The following TTC19 variants were observed in gnomAD, a reference collection of about 807,000 sequenced individuals.
TTC19 encodes the protein tetratricopeptide repeat protein 19, mitochondrial.
TTC19 carries 38 observed loss-of-function variants against 49.5 expected under a neutral mutation model. The ratio of observed to expected loss-of-function variants is 0.77; its 90% CI spans 0.59 to 1.01. The LOEUF is 1.01. TTC19 is among the 50% of genes least tolerant of loss of function. TTC19 has a pLI of 0.00. For synonymous variants in TTC19, 204 were observed against 185.2 expected (o/e 1.10, Z -0.83); for missense variants, 475 against 477.7 (o/e 0.99, Z 0.05).
chr17:16,038,976 G>A (rs1379349880), intron 2 of TTC19, among the ~76,000 whole-genome samples: 1 of 152,118 alleles, frequency 6.6e-6, no homozygotes, highest in Admixed American at 6.5e-5. Context: ...TCACCATGTT[G>A]GCCAGGATGG....
downstream of TTC19, among the ~76,000 whole-genome samples, chr17:16,033,914 T>C (rs1287120596): frequency 6.6e-6 from 1 of 151,748 alleles, no homozygotes; most frequent in Non-Finnish European, 1.5e-5. Context: ...CAAGTGATTC[T>C]CCCACCTCTG....
chr17:16,010,167 ATTTT>A lies in TTC19; in HGVS notation c.676+3620_676+3623del, dbSNP rs1201745186. Among the ~76,000 whole-genome samples the A allele has an allele frequency of 6.8e-3, 736 of 108,126 alleles. 1 individual carries two copies. Among genetic ancestry groups the A allele is most frequent in the Middle Eastern group, 0.021 (3 of 142 alleles). 70.9% of individuals were successfully genotyped at this position (108,126 alleles called of 152,430 possible). ...TATTTTTTTTATTTTTTAATTTTTA[ATTTT>A]TTTTTTTTTTTTTTTTTTTTGAGAC... On this transcript the variant is annotated intron_variant, in intron 7 of 9. Transcript: ENST00000261647.
intron 7 of TTC19, among the ~76,000 whole-genome samples, chr17:16,023,062 G>A (rs1395406200): frequency 1.3e-5 from 2 of 152,046 alleles, no homozygotes; most frequent in South Asian, 2.1e-4. Context: ...CTCTTTGGGG[G>A]AACTTTATGA....
chr17:16,000,871 G>A (rs1970707132), intron 2 of TTC19, among the ~76,000 whole-genome samples: 1 of 152,020 alleles, frequency 6.6e-6, no homozygotes, highest in African/African-American at 2.4e-5. Flanking sequence ...ATACGCTTTC[G>A]CCATCTCTTT....
At chr17:16,032,495 A>C, downstream of TTC19, 3 of 1,560,916 alleles carry the variant, frequency 1.9e-6, no homozygotes, top group Non-Finnish European at 2.6e-6. Flanking sequence ...TGACAAAAGA[A>C]AAATTAGGTT....
intron 7 of TTC19, among the ~76,000 whole-genome samples, chr17:16,022,964 G>A (rs933554887): frequency 6.6e-6 from 1 of 152,032 alleles, no homozygotes; most frequent in South Asian, 2.1e-4. Context: ...TGTTATTAAA[G>A]TACTTGATTT....
At chr17:16,034,540 C>A (rs934745948) in intron 2 of TTC19, among the ~76,000 whole-genome samples, 1 of 151,904 alleles carries the variant, frequency 6.6e-6, no homozygotes, top group Non-Finnish European at 1.5e-5. Flanking sequence ...CCTCAGAGGT[C>A]GAGGCTGCAG....
rs76516448 is a variant in TTC19 at position 16,001,734 on chromosome 17, G to A, written c.313-181G>A. On this transcript the variant is annotated intron_variant, in intron 2 of 9. Transcript: ENST00000261647. ...GATGGCCACACCTAGCTGCAAGGGA[G>A]GCTGACCTCCCTGTCATCTCTGTAG... Among the ~76,000 whole-genome samples, 1,417 of 152,280 alleles carry A rather than the reference G, an allele frequency of 9.3e-3. 27 individuals are homozygous for A. The highest frequency in any genetic ancestry group is 0.032 in the African/African-American group (1,328 of 41,538).
intron 7 of TTC19, among the ~76,000 whole-genome samples, chr17:16,009,348 A>G (rs893439447): frequency 6.6e-6 from 1 of 152,244 alleles, no homozygotes; most frequent in Non-Finnish European, 1.5e-5. Context: ...CTAAGTAAAA[A>G]TCATCTGTAA....
chr17:16,001,862 C>A, intron 2 of TTC19, 53 bp from the exon 3 acceptor site: 1 of 1,208,018 alleles, frequency 8.3e-7, no homozygotes, highest in Non-Finnish European at 1.2e-6. Flanking sequence ...TGTCTCTTAG[C>A]ATATGCATCT....
chr17:16,041,422 T>TTTTTTTTTTTTTTG (rs71150270), intron 2 of TTC19: 1 of 147,928 alleles, frequency 6.8e-6, no homozygotes, highest in Admixed American at 6.7e-5. Flanking sequence ...TTTTTTTTTT[T>TTTTTTTTTTTTTTG]CCTTTGAGAT....
downstream of TTC19, chr17:16,030,848 G>C (rs939772830): frequency 5.4e-6 from 1 of 186,830 alleles, no homozygotes; most frequent in African/African-American, 2.3e-5. Flanking sequence ...TCACAGAGCT[G>C]CTTCCTTAAA....
At chr17:16,001,734 G>C (rs76516448) in intron 2 of TTC19, among the ~76,000 whole-genome samples, 181 bp from the exon 3 acceptor site, 1 of 152,164 alleles carries the variant, frequency 6.6e-6, no homozygotes, top group African/African-American at 2.4e-5. Context: ...CTGCAAGGGA[G>C]GCTGACCTCC....
Position 16,026,569 on chromosome 17 carries a change from T to TA in TTC19, c.862dup (p.Thr288AsnfsTer9). On this transcript the variant is annotated frameshift_variant, in exon 9 of 10. Coordinates refer to ENST00000261647, the MANE Select transcript of TTC19 (RefSeq NM_017775.4). LOFTEE classifies it high-confidence loss of function. The stretch of plus-strand genomic sequence containing the variant: ...TTGTGCTGATGAGTGACCTGGCTAC[T>TA]ACCCTGGATGCACAGGGCCGCTTTG... 1.9e-6 allele frequency: 3 copies of TA among 1,614,184 alleles called. No individual in the cohort carries two copies. Among genetic ancestry groups the TA allele is most frequent in the Non-Finnish European group, 2.5e-6 (3 of 1,180,002 alleles).
At chr17:16,026,911 C>A in intron 9 of TTC19, 1 of 631,690 alleles carries the variant, frequency 1.6e-6, no homozygotes, top group Non-Finnish European at 2.8e-6. Flanking sequence ...CTGCACTAGC[C>A]TGTCGAACCC....
chr17:16,005,722 G>T (rs759141150), intron 6 of TTC19, among the ~76,000 whole-genome samples: 1 of 152,178 alleles, frequency 6.6e-6, no homozygotes, highest in African/African-American at 2.4e-5. Context: ...GAGACTTATA[G>T]CTTGAAAGAA....
rs1393235257 is a variant in TTC19 at position 16,027,754 on chromosome 17, T to C, written c.*232T>C. ...CTTTCAGGATGTCGTCAAGTGATGC[T>C]TTCAGTTGTAACACGTGACTTGGTG... is the stretch of plus-strand genomic sequence containing the variant. On this transcript the variant is annotated 3_prime_UTR_variant, in exon 10 of 10. Transcript: ENST00000261647. 1 of 595,398 alleles carries C rather than the reference T, an allele frequency of 1.7e-6. No individual in the cohort carries two copies. The highest frequency in any genetic ancestry group is 3.1e-6 in the Non-Finnish European group (1 of 317,872). The allele number at this position is 595,398 out of a possible 1,614,324, so 36.9% of individuals were successfully genotyped here.
chr17:16,031,832 TTAG>T (rs1204595039), downstream of TTC19: 1 of 232,426 alleles, frequency 4.3e-6, no homozygotes, highest in African/African-American at 2.2e-5. Context: ...ATGAGGTTGT[TTAG>T]AAGGCTAGGG....
At chr17:16,039,495 T>G (rs774282901) in intron 2 of TTC19, 1 of 1,614,120 alleles carries the variant, frequency 6.2e-7, no homozygotes, top group Non-Finnish European at 8.5e-7. Flanking sequence ...AACTGAGGTG[T>G]TGGCAGTACC....
Sources: allele counts gnomAD v4.1 joint callset (sites outside exome capture counted in the v4.1 genomes callset), GRCh38; gene constraint gnomAD v4.1.1; transcripts MANE v1.5; gene names NCBI Gene and HGNC (gene_info 2026-07-23, HGNC 2026-07-21).